Variants in PITPNM3 observed in about 807,000 individuals in gnomAD.
PITPNM3 encodes membrane-associated phosphatidylinositol transfer protein 3.
In PITPNM3, 26 loss-of-function variants were observed where a neutral mutation model predicts 102.0. That is an observed-to-expected ratio of 0.25 (90% CI 0.19 to 0.35). The LOEUF is 0.35. Among genes scored for constraint, PITPNM3 ranks in the 10% least tolerant of loss-of-function variants. PITPNM3 has a pLI of 1.00. For synonymous variants in PITPNM3, 578 were observed against 558.6 expected (o/e 1.03, Z -0.49); for missense variants, 1,083 against 1,346.1 (o/e 0.80, Z 3.06).
chr17:6,477,325 G>C, intron 8 of PITPNM3, 112 bp from the exon 9 acceptor site: 1 of 1,130,396 alleles, frequency 8.8e-7, no homozygotes, highest in East Asian at 2.5e-5. Context: ...AAGATGTGAG[G>C]GGCTACCCTT....
intron 4 of PITPNM3, among the ~76,000 whole-genome samples, chr17:6,492,104 A>G (rs7207939): frequency 0.75 from 111,104 of 147,330 alleles, 42,216 homozygotes; most frequent in Middle Eastern, 0.86. Context: ...TCACTCTGTC[A>G]CCAGGCTGGA....
At chr17:6,465,335 C>T (rs1048530271) in intron 14 of PITPNM3, among the ~76,000 whole-genome samples, 4 of 152,172 alleles carry the variant, frequency 2.6e-5, no homozygotes, top group Admixed American at 6.5e-5. Context: ...CATGAGCCAC[C>T]GTGCCTGGCC....
At position 6,492,455 on chromosome 17, in the gene PITPNM3, A is replaced by G. The variant is rs1177936567; in HGVS notation, c.275-8163T>C. Among the ~76,000 whole-genome samples, 6 of 152,346 alleles carry G rather than the reference A, an allele frequency of 3.9e-5. No individual in the cohort carries two copies. The East Asian group carries it at 7.7e-4, about 20-fold the overall frequency. On this transcript the variant is annotated intron_variant, in intron 4 of 19. Coordinates refer to ENST00000262483, the MANE Select transcript of PITPNM3 (RefSeq NM_031220.4). The stretch of plus-strand genomic sequence containing the variant: ...AAGTGTGAAATGTTGTCCTCCCCTC[A>G]GGAGCTGACAGGCTAATGAGGGAGT...
chr17:6,541,305 G>A lies in PITPNM3; in HGVS notation c.23-3223C>T, dbSNP rs576858549. On this transcript the variant is annotated intron_variant, in intron 1 of 19. Transcript: ENST00000262483. ...GCTAAGAGTGTGTGTGTGTGTGTGT[G>A]TGTGTGTGTGTATGCACATCTGCTT... Among the ~76,000 whole-genome samples, 959 of 151,818 alleles carry A rather than the reference G, an allele frequency of 6.3e-3. 12 individuals are homozygous for A. The highest frequency in any genetic ancestry group is 0.022 in the African/African-American group (900 of 41,358).
Position 6,472,548 on chromosome 17 carries a change from C to T in PITPNM3, c.1429+109G>A. The T allele has an allele frequency of 7.1e-7, 1 of 1,402,690 alleles. No individual in the cohort carries two copies. Among genetic ancestry groups the T allele is most frequent in the South Asian group, 1.3e-5 (1 of 79,328 alleles). The allele number at this position is 1,402,690 out of a possible 1,614,324, so 86.9% of individuals were successfully genotyped here. The stretch of plus-strand genomic sequence containing the variant: ...GGAGTCGGCTAACCTTCTGTTCTCA[C>T]AGCCCCTGCTCAGGTGAGTCACCCT... On this transcript the variant is annotated intron_variant, in intron 11 of 19. Coordinates refer to ENST00000262483, the MANE Select transcript of PITPNM3 (RefSeq NM_031220.4). The surrounding 1 kb of genome is among the most constrained non-coding windows in gnomAD (Gnocchi z 4.1).
At chr17:6,509,457 G>C (rs1907738324) in intron 3 of PITPNM3, among the ~76,000 whole-genome samples, 1 of 152,224 alleles carries the variant, frequency 6.6e-6, no homozygotes, top group Non-Finnish European at 1.5e-5. Context: ...ACCAGAAAGT[G>C]TCAGGAACAG....
chr17:6,505,239 G>A (rs1241970700), intron 3 of PITPNM3, among the ~76,000 whole-genome samples: 1 of 145,108 alleles, frequency 6.9e-6, no homozygotes, highest in East Asian at 2.0e-4. Context: ...AACACAGTCA[G>A]GCACAAAACA....
At position 6,478,268 on chromosome 17, in the gene PITPNM3, C is replaced by T. The variant is rs7218107; in HGVS notation, c.778-171G>A. 3.7e-3 allele frequency among the ~76,000 whole-genome samples: 562 copies of T among 152,336 alleles called. No individual in the cohort carries two copies. Among genetic ancestry groups the T allele is most frequent in the African/African-American group, 0.013 (543 of 41,576 alleles). On this transcript the variant is annotated intron_variant, in intron 7 of 19. Coordinates refer to ENST00000262483, the MANE Select transcript of PITPNM3 (RefSeq NM_031220.4). The surrounding 1 kb of genome is among the most constrained non-coding windows in gnomAD (Gnocchi z 4.4). ...GCAAACTGGGGAGGGTCAGGGTTGGCGTTGGCCCAGGCCAGCCCAAGGACG... is the reference window on the plus strand; with the variant it reads ...GCAAACTGGGGAGGGTCAGGGTTGGTGTTGGCCCAGGCCAGCCCAAGGACG...
At chr17:6,547,649 C>A (rs1232475904) in intron 1 of PITPNM3, among the ~76,000 whole-genome samples, 1 of 152,196 alleles carries the variant, frequency 6.6e-6, no homozygotes, top group Non-Finnish European at 1.5e-5. Context: ...AGAATAGGGG[C>A]TCAAGGTCCA....
At chr17:6,551,373 AG>A (rs1567699235) in intron 1 of PITPNM3, among the ~76,000 whole-genome samples, 1 of 150,138 alleles carries the variant, frequency 6.7e-6, no homozygotes, top group Admixed American at 6.6e-5. Context: ...AAAAAAAAAA[AG>A]AAAAGCCTGG....
At chr17:6,547,119 C>T (rs1169938354) in intron 1 of PITPNM3, among the ~76,000 whole-genome samples, 1 of 152,138 alleles carries the variant, frequency 6.6e-6, no homozygotes, top group Non-Finnish European at 1.5e-5. Flanking sequence ...TAAGAAAGGA[C>T]TCACGATTCT....
intron 3 of PITPNM3, among the ~76,000 whole-genome samples, chr17:6,516,867 TAAAA>T (rs930960029): frequency 1.1e-4 from 17 of 151,394 alleles, no homozygotes; most frequent in African/African-American, 3.9e-4. Flanking sequence ...CTGTCTCTAT[TAAAA>T]AAAGAAAGAA....
intron 2 of PITPNM3, among the ~76,000 whole-genome samples, chr17:6,526,748 A>T (rs1226704399): frequency 6.6e-6 from 1 of 152,258 alleles, no homozygotes; most frequent in Non-Finnish European, 1.5e-5. Context: ...CAAAAAAGGT[A>T]AAATTGTTAT....
intron 1 of PITPNM3, among the ~76,000 whole-genome samples, chr17:6,552,110 T>G (rs1358749341): frequency 6.6e-6 from 1 of 152,170 alleles, no homozygotes; most frequent in Non-Finnish European, 1.5e-5. Context: ...AATTACTAGG[T>G]TTGCCACATG....
chr17:6,551,817 T>C (rs356037), intron 1 of PITPNM3, among the ~76,000 whole-genome samples: 4,030 of 152,156 alleles, frequency 0.026, 117 homozygotes, highest in South Asian at 0.12. Flanking sequence ...CACTAGTCAC[T>C]GCCCCTGGGA....
At chr17:6,510,299 C>A (rs1241933489) in intron 3 of PITPNM3, among the ~76,000 whole-genome samples, 1 of 152,138 alleles carries the variant, frequency 6.6e-6, no homozygotes, top group African/African-American at 2.4e-5. Context: ...GATTGTCCAA[C>A]CTCAGTCAAG....
intron 1 of PITPNM3, among the ~76,000 whole-genome samples, chr17:6,548,607 C>T (rs1910152101): frequency 6.6e-6 from 1 of 152,076 alleles, no homozygotes; most frequent in African/African-American, 2.4e-5. Flanking sequence ...GTCAATGGTG[C>T]ATGAGTGACG....
At chr17:6,490,783 C>CCG (rs1906411536) in intron 4 of PITPNM3, among the ~76,000 whole-genome samples, 1 of 151,114 alleles carries the variant, frequency 6.6e-6, no homozygotes. Context: ...TGGTGAAACC[C>CCG]TGTCTACTAA....
chr17:6,555,898 A>C (rs1207388694), intron 1 of PITPNM3, among the ~76,000 whole-genome samples: 1 of 151,380 alleles, frequency 6.6e-6, no homozygotes, highest in Admixed American at 6.6e-5. Context: ...CTCCTTCCCG[A>C]GAAGGAATCT....
Sources: allele counts gnomAD v4.1 joint callset (sites outside exome capture counted in the v4.1 genomes callset), GRCh38; gene constraint gnomAD v4.1.1; non-coding constraint Gnocchi (gnomAD v3.1); transcripts MANE v1.5; gene names NCBI Gene and HGNC (gene_info 2026-07-23, HGNC 2026-07-21).